NEK11: variants seen among roughly 807,000 people sequenced by gnomAD.
NEK11 encodes the protein serine/threonine-protein kinase Nek11.
NEK11 carries 72 observed loss-of-function variants against 80.7 expected under a neutral mutation model. That is an observed-to-expected ratio of 0.89 (90% CI 0.74 to 1.08). The LOEUF (loss-of-function observed/expected upper bound fraction) is 1.08, where lower values mean the gene tolerates loss of function less well. Among genes scored for constraint, NEK11 ranks in the 50% least tolerant of loss-of-function variants. The probability of loss-of-function intolerance (pLI) is 0.00; values close to 1 mark genes in which losing one functional copy is unlikely to be tolerated. For synonymous variants in NEK11, 251 were observed against 260.7 expected, an observed-to-expected ratio of 0.96 and a Z score of 0.36; for missense variants, 764 against 763.6, an observed-to-expected ratio of 1.00 and a Z score of -0.01.
chr3:131,112,492 A>AT (rs947063381), intron 5 of NEK11, among the ~76,000 whole-genome samples: 11 of 152,202 alleles, frequency 7.2e-5, no homozygotes, highest in Non-Finnish European at 1.6e-4. Flanking sequence ...TGGATAGAGG[A>AT]TTACAAGAGT....
At chr3:131,128,127 A>G (rs1246488166) in intron 5 of NEK11, among the ~76,000 whole-genome samples, 8 of 152,200 alleles carry the variant, frequency 5.3e-5, no homozygotes, top group Non-Finnish European at 1.0e-4. Flanking sequence ...GCTACCAGTC[A>G]TACATTTGTT....
chr3:131,038,102 A>G (rs919576589), intron 3 of NEK11, among the ~76,000 whole-genome samples: 1 of 152,150 alleles, frequency 6.6e-6, no homozygotes, highest in African/African-American at 2.4e-5. Context: ...TTATCTTTTA[A>G]GAGAAAGTAT....
chr3:131,079,366 AAAG>A (rs1260128876), intron 3 of NEK11, among the ~76,000 whole-genome samples: 1 of 152,244 alleles, frequency 6.6e-6, no homozygotes, highest in African/African-American at 2.4e-5. Context: ...TAAAGGGCCT[AAAG>A]AAATTTTCTA....
chr3:131,299,836 C>T (rs1298654134), intron 17 of NEK11, among the ~76,000 whole-genome samples: 3 of 152,146 alleles, frequency 2.0e-5, no homozygotes, highest in Non-Finnish European at 2.9e-5. Context: ...GCAATGAACA[C>T]ATGTGTTGCA....
intron 16 of NEK11, among the ~76,000 whole-genome samples, chr3:131,251,531 C>A (rs1348439063): frequency 3.3e-5 from 5 of 151,534 alleles, no homozygotes; most frequent in Admixed American, 3.3e-4. Flanking sequence ...ATACATATAC[C>A]CTGAAGTTAT....
chr3:131,109,581 C>T (rs892879222), intron 4 of NEK11: 100 of 424,922 alleles, frequency 2.4e-4, no homozygotes, highest in Non-Finnish European at 3.6e-4. Context: ...TTAATAGATT[C>T]GTGTTTGTTA....
chr3:131,143,570 C>T (rs2087444343), intron 7 of NEK11, among the ~76,000 whole-genome samples: 1 of 151,942 alleles, frequency 6.6e-6, no homozygotes, highest in Non-Finnish European at 1.5e-5. Context: ...AAAAACTATG[C>T]TTCCACTGTA....
At chr3:131,314,291 C>G (rs1408988605) in intron 17 of NEK11, among the ~76,000 whole-genome samples, 1 of 152,186 alleles carries the variant, frequency 6.6e-6, no homozygotes, top group Non-Finnish European at 1.5e-5. Flanking sequence ...ATACTGTGTT[C>G]TCTTGTGCTC....
At chr3:131,033,096 AT>A (rs1285652610) in intron 3 of NEK11, among the ~76,000 whole-genome samples, 1 of 152,170 alleles carries the variant, frequency 6.6e-6, no homozygotes, top group Non-Finnish European at 1.5e-5. Flanking sequence ...TCCAAAATAA[AT>A]TGGTTCTCAG....
intron 3 of NEK11, among the ~76,000 whole-genome samples, chr3:131,054,196 C>T (rs533905214): frequency 1.3e-5 from 2 of 152,156 alleles, no homozygotes; most frequent in African/African-American, 4.8e-5. Flanking sequence ...ACAAAATATA[C>T]AAAAATTAGC....
intron 3 of NEK11, among the ~76,000 whole-genome samples, chr3:131,070,814 T>A (rs2073145533): frequency 6.6e-6 from 1 of 152,168 alleles, no homozygotes; most frequent in Admixed American, 6.5e-5. Context: ...GAATTGATGG[T>A]CTGTTTCCTC....
rs189527337 is a variant in NEK11 at position 131,050,064 on chromosome 3, G to A, written c.170+20186G>A. ...TGCCTTTGCAGTGTGAGGTTAATGG[G>A]GGGGTGTCCCCTCAGCAGCTGCCTC... On this transcript the variant is annotated intron_variant, in intron 3 of 17. Transcript: ENST00000383366. 2.2e-3 allele frequency among the ~76,000 whole-genome samples: 333 copies of A among 152,288 alleles called. 4 individuals carry two copies. Among genetic ancestry groups the A allele is most frequent in the African/African-American group, 7.5e-3 (311 of 41,546 alleles).
In NEK11 at chr3:131,155,132, G is replaced by A; in HGVS notation, c.962+11G>A. 1 of 1,566,088 alleles carries A rather than the reference G, an allele frequency of 6.4e-7. No homozygotes were observed. The highest frequency in any genetic ancestry group is 8.8e-7 in the Non-Finnish European group (1 of 1,137,008). Reference sequence around the variant, plus strand: ...TATAATTAATGCCATGTAAGTAATTGCTTTGTTTTTAAAAAGCCCATCGAG... The same window carrying A: ...TATAATTAATGCCATGTAAGTAATTACTTTGTTTTTAAAAAGCCCATCGAG... On this transcript the variant is annotated intron_variant, in intron 10 of 17. Transcript: ENST00000383366.
chr3:131,155,922 A>C (rs897074436), intron 10 of NEK11, among the ~76,000 whole-genome samples: 2 of 152,182 alleles, frequency 1.3e-5, no homozygotes, highest in African/African-American at 4.8e-5. Flanking sequence ...ACTATATACC[A>C]CAGGGGGTAA....
chr3:131,344,564 G>A (rs76469939), intron 17 of NEK11, among the ~76,000 whole-genome samples: 3 of 151,970 alleles, frequency 2.0e-5, no homozygotes, highest in Non-Finnish European at 2.9e-5. Context: ...TCAATTTTCT[G>A]TATTAGGCTA....
chr3:131,110,741 G>T (rs966936477), intron 5 of NEK11, among the ~76,000 whole-genome samples: 2 of 152,054 alleles, frequency 1.3e-5, no homozygotes, highest in Admixed American at 1.3e-4. Flanking sequence ...AGCACACCAA[G>T]GTCTAACTAT....
At chr3:131,213,207 A>G (rs933612668) in intron 14 of NEK11, among the ~76,000 whole-genome samples, 2 of 151,766 alleles carry the variant, frequency 1.3e-5, no homozygotes, top group African/African-American at 4.8e-5. Flanking sequence ...ACACACACAC[A>G]CACACACATC....
intron 14 of NEK11, among the ~76,000 whole-genome samples, chr3:131,185,362 A>T (rs2093556891): frequency 6.6e-6 from 1 of 152,146 alleles, no homozygotes; most frequent in Admixed American, 6.6e-5. Flanking sequence ...GACACCTGTG[A>T]AAGGCAAGCA....
intron 14 of NEK11, among the ~76,000 whole-genome samples, 160 bp from the exon 15 acceptor site, chr3:131,228,368 A>C (rs1389695289): frequency 6.6e-6 from 1 of 152,170 alleles, no homozygotes; most frequent in Non-Finnish European, 1.5e-5. Context: ...TGTTTATTAC[A>C]TTCAACCAAA....
Sources: allele counts gnomAD v4.1 joint callset (sites outside exome capture counted in the v4.1 genomes callset), GRCh38; gene constraint gnomAD v4.1.1; transcripts MANE v1.5; gene names NCBI Gene and HGNC (gene_info 2026-07-23, HGNC 2026-07-21).